The following SPAG17 variants were observed in gnomAD, a reference collection of about 807,000 sequenced individuals.
SPAG17 encodes the protein sperm-associated antigen 17.
SPAG17 carries 169 observed loss-of-function variants against 273.6 expected under a neutral mutation model. That is an observed-to-expected ratio of 0.62 (90% CI 0.55 to 0.70). SPAG17 has a LOEUF of 0.70. SPAG17 is among the 30% of genes least tolerant of loss of function. The probability of loss-of-function intolerance (pLI) is 0.00; values close to 1 mark genes in which losing one functional copy is unlikely to be tolerated. For synonymous variants in SPAG17, 825 were observed against 873.2 expected (o/e 0.94, Z 0.97); for missense variants, 2,557 against 2,627.8 (o/e 0.97, Z 0.59).
At position 117,954,000 on chromosome 1, in the gene SPAG17, T is replaced by C; in HGVS notation, c.*50A>G. 6.2e-7 allele frequency: 1 copy of C among 1,608,108 alleles called. No individual in the cohort carries two copies. Among genetic ancestry groups the C allele is most frequent in the Non-Finnish European group, 8.5e-7 (1 of 1,177,274 alleles). On this transcript the variant is annotated 3_prime_UTR_variant, in exon 49 of 49. Transcript: ENST00000336338. ...TGATGACTTCTTTCCTTTCTCATCC[T>C]CTGTAGGCTGAGAGGATTATGGAGG... is the stretch of plus-strand genomic sequence containing the variant.
At chr1:118,147,630 T>A (rs1050524044) in intron 3 of SPAG17, among the ~76,000 whole-genome samples, 38 of 152,222 alleles carry the variant, frequency 2.5e-4, no homozygotes, top group African/African-American at 8.4e-4. Context: ...CAAAGAACTA[T>A]GGTTTATAAA....
chr1:118,163,939 G>A (rs1303231846), intron 1 of SPAG17, among the ~76,000 whole-genome samples: 1 of 152,078 alleles, frequency 6.6e-6, no homozygotes, highest in African/African-American at 2.4e-5. Context: ...ATTCTCCCAA[G>A]GTGTTTGTAT....
intron 20 of SPAG17, among the ~76,000 whole-genome samples, chr1:118,047,949 G>A (rs1650554104): frequency 6.6e-6 from 1 of 152,190 alleles, no homozygotes; most frequent in Non-Finnish European, 1.5e-5. Flanking sequence ...TGAGGTTCCA[G>A]GCCCATCCCA....
At chr1:118,131,821 G>C (rs529052324) in intron 3 of SPAG17, among the ~76,000 whole-genome samples, 13 of 152,262 alleles carry the variant, frequency 8.5e-5, no homozygotes, top group Middle Eastern at 3.4e-3. Flanking sequence ...TCTATAGCTG[G>C]ACTCTTCCTG....
At chr1:118,102,637 G>T (rs1211469090) in intron 4 of SPAG17, among the ~76,000 whole-genome samples, 1 of 152,182 alleles carries the variant, frequency 6.6e-6, no homozygotes, top group Non-Finnish European at 1.5e-5. Flanking sequence ...AGATTGGCAT[G>T]TACCATGTAA....
At chr1:118,085,742 A>G (rs1412539143) in intron 13 of SPAG17, among the ~76,000 whole-genome samples, 180 bp downstream of exon 13, 1 of 152,250 alleles carries the variant, frequency 6.6e-6, no homozygotes, top group Non-Finnish European at 1.5e-5. Flanking sequence ...TATAGCTATG[A>G]TAACATTGCT....
chr1:118,151,560 C>G (rs531453872), intron 1 of SPAG17, among the ~76,000 whole-genome samples, 191 bp from the exon 2 acceptor site: 2 of 152,314 alleles, frequency 1.3e-5, no homozygotes, highest in East Asian at 3.8e-4. Flanking sequence ...TTTCATGCAA[C>G]TTGACCAAAA....
intron 6 of SPAG17, among the ~76,000 whole-genome samples, chr1:118,098,313 C>A (rs902592636): frequency 2.6e-5 from 4 of 152,010 alleles, no homozygotes; most frequent in African/African-American, 9.7e-5. Flanking sequence ...TTTCAGTTAC[C>A]TTTTGGTCAC....
intron 4 of SPAG17, among the ~76,000 whole-genome samples, chr1:118,104,363 T>C (rs925049019): frequency 1.3e-5 from 2 of 152,326 alleles, no homozygotes; most frequent in South Asian, 4.1e-4. Context: ...AAATGAGTTT[T>C]ACTTAAGGTG....
At chr1:118,003,345 A>G (rs1200015266) in intron 32 of SPAG17, among the ~76,000 whole-genome samples, 1 of 151,918 alleles carries the variant, frequency 6.6e-6, no homozygotes, top group African/African-American at 2.4e-5. Context: ...TGTTCTCTGT[A>G]TTTCCTGAAT....
chr1:118,016,195 A>G lies in SPAG17; in HGVS notation c.4070-13T>C. ...TTGTGACTTTTTCCTGTGAAGTTCA[A>G]GTAAAATCAAACAACAACAATATAA... On this transcript the variant is annotated splice_polypyrimidine_tract_variant and intron_variant, in intron 28 of 48. Coordinates refer to ENST00000336338, the MANE Select transcript of SPAG17 (RefSeq NM_206996.4). The G allele has an allele frequency of 6.3e-7, 1 of 1,599,170 alleles. No individual in the cohort carries two copies. Among genetic ancestry groups the G allele is most frequent in the Non-Finnish European group, 8.6e-7 (1 of 1,167,270 alleles).
At chr1:118,128,182 ATGGGATTGCT>A (rs1404125461) in intron 3 of SPAG17, among the ~76,000 whole-genome samples, 1 of 151,776 alleles carries the variant, frequency 6.6e-6, no homozygotes, top group Non-Finnish European at 1.5e-5. Context: ...GCTGTTGCAA[ATGGGATTGCT>A]TTTTTGATTT....
chr1:117,963,711 G>T, intron 48 of SPAG17, 88 bp downstream of exon 48: 1 of 1,265,280 alleles, frequency 7.9e-7, no homozygotes, highest in Non-Finnish European at 1.1e-6. Context: ...ATAGGTTTCT[G>T]ACTATAAGAA....
At chr1:118,007,442 C>T (rs1659011505) in intron 31 of SPAG17, among the ~76,000 whole-genome samples, 1 of 152,160 alleles carries the variant, frequency 6.6e-6, no homozygotes. Flanking sequence ...GAAAGCAAGT[C>T]CTTTTAAGGC....
chr1:118,156,134 TA>T (rs1659637226), intron 1 of SPAG17, among the ~76,000 whole-genome samples: 1 of 152,270 alleles, frequency 6.6e-6, no homozygotes, highest in African/African-American at 2.4e-5. Flanking sequence ...CAATTTATTA[TA>T]AGTGCTATAG....
chr1:118,028,047 T>A (rs1035678213), intron 26 of SPAG17, among the ~76,000 whole-genome samples: 1 of 152,154 alleles, frequency 6.6e-6, no homozygotes, highest in Non-Finnish European at 1.5e-5. Flanking sequence ...ATTTCCTTAT[T>A]TTGTAAAATG....
intron 10 of SPAG17, among the ~76,000 whole-genome samples, chr1:118,089,171 T>C (rs1187036895): frequency 6.6e-6 from 1 of 152,160 alleles, no homozygotes; most frequent in Non-Finnish European, 1.5e-5. Flanking sequence ...GAGAGGGTTC[T>C]TTAGATCAGG....
intron 3 of SPAG17, among the ~76,000 whole-genome samples, chr1:118,127,271 T>C (rs887098569): frequency 3.3e-5 from 5 of 152,196 alleles, no homozygotes; most frequent in Admixed American, 6.5e-5. Context: ...GGATTATTTA[T>C]AAAGAGAAGA....
Position 117,984,582 on chromosome 1 carries a change from G to T in SPAG17, c.5769+101C>A. Reference sequence around the variant, plus strand: ...TAGTCAGCCAGGTCGATGCAGGAAAGAATTAAACAGCATCAGGAAAGACAG... The same window carrying T: ...TAGTCAGCCAGGTCGATGCAGGAAATAATTAAACAGCATCAGGAAAGACAG... On this transcript the variant is annotated intron_variant, in intron 41 of 48. Transcript: ENST00000336338. 4.0e-6 allele frequency: 3 copies of T among 748,070 alleles called. No homozygotes were observed. In the East Asian group the frequency reaches 8.3e-5, roughly 21 times the overall value. 46.3% of individuals were successfully genotyped at this position (748,070 alleles called of 1,614,324 possible).
Sources: allele counts gnomAD v4.1 joint callset (sites outside exome capture counted in the v4.1 genomes callset), GRCh38; gene constraint gnomAD v4.1.1; transcripts MANE v1.5; gene names NCBI Gene and HGNC (gene_info 2026-07-23, HGNC 2026-07-21).